Variants in CPNE7 observed in about 807,000 individuals in gnomAD.
CPNE7 encodes the protein copine 7, also known as copine-7.
In CPNE7, 78 loss-of-function variants were observed where a neutral mutation model predicts 66.5. The ratio of observed to expected loss-of-function variants is 1.17; its 90% CI spans 0.98 to 1.42. The LOEUF is 1.42. Among genes scored for constraint, CPNE7 ranks in the 40% most tolerant of loss-of-function variants. The pLI is 0.00. For synonymous variants in CPNE7, 468 were observed against 336.7 expected, an observed-to-expected ratio of 1.39 and a Z score of -4.27; for missense variants, 1,012 against 776.6, an observed-to-expected ratio of 1.30 and a Z score of -3.60.
rs376050097 is a variant in CPNE7 at position 89,588,064 on chromosome 16, GC to G, written c.928-605del. 2.2e-3 allele frequency among the ~76,000 whole-genome samples: 5 copies of G among 2,224 alleles called. 1 individual carries two copies. Among genetic ancestry groups the G allele is most frequent in the South Asian group, 0.015 (1 of 66 alleles). 1.5% of individuals were successfully genotyped at this position (2,224 alleles called of 152,430 possible). ...CCCGCGTGTCACCCACAGATACACGGCCCCCCGTGTTACCCACAGATACACG... is the reference window on the plus strand; with the variant it reads ...CCCGCGTGTCACCCACAGATACACGGCCCCCGTGTTACCCACAGATACACG... On this transcript the variant is annotated intron_variant, in intron 9 of 14. Coordinates refer to ENST00000319518, the MANE Select transcript of CPNE7 (RefSeq NM_153636.3).
At chr16:89,594,994 C>T (rs987031315) in intron 13 of CPNE7, among the ~76,000 whole-genome samples, 1 of 152,132 alleles carries the variant, frequency 6.6e-6, no homozygotes, top group Non-Finnish European at 1.5e-5. Context: ...CCTGGAGAGA[C>T]TGGAGCAGGG....
chr16:89,576,485 G>A (rs543899872), intron 1 of CPNE7, among the ~76,000 whole-genome samples: 4 of 152,180 alleles, frequency 2.6e-5, no homozygotes, highest in African/African-American at 9.6e-5. Context: ...GCAGGCCGGC[G>A]AGGGAGCGCG....
intron 2 of CPNE7, among the ~76,000 whole-genome samples, chr16:89,581,336 C>T (rs944922711): frequency 6.6e-6 from 1 of 151,894 alleles, no homozygotes; most frequent in Non-Finnish European, 1.5e-5. Flanking sequence ...CATCACCCGT[C>T]ACACGGAACA....
intron 2 of CPNE7, chr16:89,578,759 CAAAA>C (rs35811163): frequency 0.025 from 28,676 of 1,150,736 alleles, no homozygotes; most frequent in South Asian, 0.056. Flanking sequence ...GACTCTGTCT[CAAAA>C]AAAAAAAAAA....
chr16:89,594,345 C>T (rs1469572008), intron 13 of CPNE7, among the ~76,000 whole-genome samples: 8 of 152,062 alleles, frequency 5.3e-5, no homozygotes, highest in Non-Finnish European at 1.2e-4. Context: ...GTAATTCTTC[C>T]CACAGGTGTG....
chr16:89,587,623 TCCAAG>T (rs1354510019), intron 9 of CPNE7: 24 of 451,582 alleles, frequency 5.3e-5, no homozygotes, highest in Non-Finnish European at 8.0e-5. Context: ...CTACGTGTCA[TCCAAG>T]GAGCCCGGCA....
chr16:89,587,278 T>A (rs867058558), intron 9 of CPNE7, among the ~76,000 whole-genome samples, 176 bp downstream of exon 9: 13 of 246 alleles, frequency 0.053, 3 homozygotes, highest in African/African-American at 0.13. Flanking sequence ...GCCCCGCCCA[T>A]CCCCGCCCCC....
rs372907247 is a variant in CPNE7, at chr16:89,584,133, A to T, written c.507+31A>T. 2.5e-6 allele frequency: 4 copies of T among 1,594,238 alleles called. No homozygotes were observed. In the African/African-American group the frequency reaches 4.1e-5, roughly 16 times the overall value. ...TGCAGGTGCCGGGCACGCCTGGCTC[A>T]GGCTGAGGTCCGGGAACCGGTTCGA... On this transcript the variant is annotated intron_variant, in intron 4 of 14. Coordinates refer to ENST00000319518, the MANE Select transcript of CPNE7 (RefSeq NM_153636.3). The surrounding 1 kb of genome is among the most constrained non-coding windows in gnomAD (Gnocchi z 6.0).
At chr16:89,583,617 C>T (rs1023860263) in intron 2 of CPNE7, 80 bp from the exon 3 acceptor site, 41 of 1,606,632 alleles carry the variant, frequency 2.6e-5, no homozygotes, top group African/African-American at 2.0e-4. Flanking sequence ...CCTGAGAGTC[C>T]GGGTGAGGGC....
At chr16:89,592,479 G>C (rs1040524819) in intron 13 of CPNE7, among the ~76,000 whole-genome samples, 1 of 140,312 alleles carries the variant, frequency 7.1e-6, no homozygotes, top group African/African-American at 2.7e-5. Context: ...ATAGAGTCCT[G>C]CTCTGTCACC....
chr16:89,581,687 CAGGCTGG>C (rs1452186815), intron 2 of CPNE7, among the ~76,000 whole-genome samples: 4 of 152,078 alleles, frequency 2.6e-5, no homozygotes, highest in African/African-American at 9.7e-5. Flanking sequence ...CTCTGCCGCC[CAGGCTGG>C]AGTGCAGTGG....
intron 2 of CPNE7, among the ~76,000 whole-genome samples, chr16:89,581,517 C>T (rs1034249959): frequency 6.6e-6 from 1 of 152,242 alleles, no homozygotes; most frequent in African/African-American, 2.4e-5. Context: ...GTGACTCATC[C>T]CCCTGCAGCC....
At chr16:89,595,169 C>G (rs1304928216) in intron 13 of CPNE7, among the ~76,000 whole-genome samples, 198 bp from the exon 14 acceptor site, 1 of 152,090 alleles carries the variant, frequency 6.6e-6, no homozygotes, top group East Asian at 1.9e-4. Flanking sequence ...CACAGGAGGC[C>G]CAGAGTGCCC....
intron 9 of CPNE7, chr16:89,587,624 C>A (rs1479329687): frequency 2.2e-6 from 1 of 451,904 alleles, no homozygotes; most frequent in African/African-American, 2.0e-5. Flanking sequence ...TACGTGTCAT[C>A]CAAGGAGCCC....
intron 13 of CPNE7, among the ~76,000 whole-genome samples, chr16:89,592,993 G>T (rs1431541527): frequency 2.0e-5 from 3 of 149,258 alleles, no homozygotes; most frequent in African/African-American, 7.4e-5. Flanking sequence ...TTATATTTTT[G>T]TAGAGATGGG....
chr16:89,587,052 G>T lies in CPNE7; in HGVS notation c.877G>T (p.Val293Leu). The change falls in exon 9 of 15, where the codon GTG becomes TTG. Residue 293 changes from valine (V) to leucine (L), a missense_variant. Val to Leu is a conservative substitution (Grantham distance 32). Transcript: ENST00000319518. ...CTCCGCCGGCCGGAAGTTCCACAGGGTGTACTCCTTCCTGGACTATATCAT... is the reference window on the plus strand; with the variant it reads ...CTCCGCCGGCCGGAAGTTCCACAGGTTGTACTCCTTCCTGGACTATATCAT... The part of the protein sequence containing the change: ...VVLADLKFHR[V>L]YSFLDYIMGG... The T allele has an allele frequency of 1.3e-6, 2 of 1,580,768 alleles. No individual in the cohort carries two copies. Among genetic ancestry groups the T allele is most frequent in the Non-Finnish European group, 1.7e-6 (2 of 1,163,188 alleles).
At chr16:89,590,185 G>A (rs2059146639) in intron 11 of CPNE7, among the ~76,000 whole-genome samples, 1 of 152,240 alleles carries the variant, frequency 6.6e-6, no homozygotes. Context: ...TCCTTCAGGA[G>A]ATAGGGAAGG....
At chr16:89,579,375 T>C (rs917880716) in intron 2 of CPNE7, among the ~76,000 whole-genome samples, 1 of 152,072 alleles carries the variant, frequency 6.6e-6, no homozygotes, top group African/African-American at 2.4e-5. Context: ...CAGCTGACCA[T>C]CACCCGTCAC....
At chr16:89,589,673 TGG>T (rs1273543768) in intron 10 of CPNE7, among the ~76,000 whole-genome samples, 1 of 152,124 alleles carries the variant, frequency 6.6e-6, no homozygotes, top group Non-Finnish European at 1.5e-5. Flanking sequence ...AACGTGGAGT[TGG>T]GAGGCAGGCT....
Sources: gnomAD v4.1 joint callset for allele counts (sites outside exome capture counted in the v4.1 genomes callset) on GRCh38, gnomAD v4.1.1 for gene constraint, Gnocchi (gnomAD v3.1) non-coding constraint, MANE v1.5 for transcripts, NCBI Gene and HGNC (gene_info 2026-07-23, HGNC 2026-07-21) for gene names.